GUCY2F: variants seen among roughly 807,000 people sequenced by gnomAD.
GUCY2F encodes retinal guanylyl cyclase 2.
GUCY2F carries 61 observed loss-of-function variants against 73.1 expected under a neutral mutation model. The ratio of observed to expected loss-of-function variants is 0.83; its 90% CI spans 0.68 to 1.03. The LOEUF (loss-of-function observed/expected upper bound fraction) is 1.03, where lower values mean the gene tolerates loss of function less well. GUCY2F is among the 50% of genes least tolerant of loss of function. GUCY2F has a pLI of 0.00. For missense variants in GUCY2F, 912 were observed against 854.3 expected (o/e 1.07, Z -0.84); for synonymous variants, 331 against 307.8 (o/e 1.08, Z -0.79).
At chrX:109,427,551 A>G (rs1453436816) in intron 8 of GUCY2F, among the ~76,000 whole-genome samples, 3 of 112,204 alleles carry the variant, frequency 2.7e-5, no homozygotes, top group East Asian at 2.8e-4. Flanking sequence ...TGGCTCACAA[A>G]GATCTGCTTT....
At chrX:109,382,041 T>C in intron 17 of GUCY2F, 77 bp downstream of exon 17, 1 of 534,191 alleles carries the variant, frequency 1.9e-6, no homozygotes. Context: ...CCAGGTAAAC[T>C]CTTTCAGCAG....
intron 12 of GUCY2F, among the ~76,000 whole-genome samples, chrX:109,394,410 G>C (rs2147254913): frequency 8.9e-6 from 1 of 112,135 alleles, no homozygotes; most frequent in South Asian, 3.8e-4. Context: ...ACTCAGCCGG[G>C]CTAATGGAGG....
intron 3 of GUCY2F, among the ~76,000 whole-genome samples, chrX:109,455,928 G>A (rs1373869938): frequency 5.4e-5 from 6 of 112,134 alleles, no homozygotes; most frequent in Admixed American, 9.4e-5. Context: ...CATCTACAAC[G>A]AGTCTTGTCA....
At chrX:109,433,075 T>C (rs1171257428) in intron 7 of GUCY2F, among the ~76,000 whole-genome samples, 1 of 112,170 alleles carries the variant, frequency 8.9e-6, no homozygotes, top group Non-Finnish European at 1.9e-5. Context: ...CACGCATAAA[T>C]TGGCATATGT....
chrX:109,374,247 T>C (rs7062434), intron 19 of GUCY2F, among the ~76,000 whole-genome samples: 8,299 of 111,697 alleles, frequency 0.074, 773 homozygotes, highest in African/African-American at 0.26. Flanking sequence ...TTGTGATTTG[T>C]ATAGGCCACC....
intron 10 of GUCY2F, 64 bp from the exon 11 acceptor site, chrX:109,398,762 C>T: frequency 9.8e-7 from 1 of 1,023,582 alleles, no homozygotes; most frequent in Non-Finnish European, 1.4e-6. Flanking sequence ...GCAATGCCCT[C>T]AAGGGCTCAG....
intron 14 of GUCY2F, among the ~76,000 whole-genome samples, chrX:109,390,605 C>A (rs992049813): frequency 2.7e-5 from 3 of 112,751 alleles, no homozygotes; most frequent in Non-Finnish European, 5.6e-5. Flanking sequence ...ATTGCTAAGA[C>A]CCCCAACAAT....
At chrX:109,446,540 C>A (rs60751315) in intron 6 of GUCY2F, among the ~76,000 whole-genome samples, 4,375 of 108,979 alleles carry the variant, frequency 0.04, 332 homozygotes, top group African/African-American at 0.14. Context: ...TTCCCTATTT[C>A]ATAAATGGTA....
At position 109,477,804 on chromosome X, in the gene GUCY2F, G is replaced by C. The variant is rs1156362749; in HGVS notation, c.-85-1783C>G. On this transcript the variant is annotated intron_variant, in intron 1 of 19. Coordinates refer to ENST00000218006, the MANE Select transcript of GUCY2F (RefSeq NM_001522.3). ...TGCCAGCCCTGTTGGTTATTATCTT[G>C]ACTCTCACTCCTAATTTTATGAGAA... Among the ~76,000 whole-genome samples the C allele has an allele frequency of 3.6e-5, 4 of 112,115 alleles. No homozygotes were observed. In the East Asian group the frequency reaches 1.1e-3, roughly 32 times the overall value.
At chrX:109,379,437 G>A (rs1250256359) in intron 17 of GUCY2F, among the ~76,000 whole-genome samples, 1 of 112,235 alleles carries the variant, frequency 8.9e-6, no homozygotes, top group African/African-American at 3.2e-5. Context: ...TAGTTTGATT[G>A]AATTATTCCA....
chrX:109,408,132 T>C (rs1931017902), intron 9 of GUCY2F, among the ~76,000 whole-genome samples: 1 of 112,522 alleles, frequency 8.9e-6, no homozygotes, highest in Non-Finnish European at 1.9e-5. Flanking sequence ...GGGGCAGAGC[T>C]GCCCAAGACC....
chrX:109,453,757 C>G lies in GUCY2F; in HGVS notation c.1135G>C (p.Val379Leu). The G allele has an allele frequency of 3.3e-6, 4 of 1,199,442 alleles. No individual in the cohort carries two copies. The highest frequency in any genetic ancestry group is 4.5e-6 in the Non-Finnish European group (4 of 884,195). The stretch of plus-strand genomic sequence containing the variant: ...AACTGCATGTTTCTGGAATGCTGAA[C>G]CAGGCTGGCAGCACCAGCCTGTCCA... ...ENGQAGAASL[V>L]QHSRNMQFHG... Residue 379 changes from valine to leucine, a missense_variant, in exon 4 of 20, where the codon GTT becomes CTT. Val to Leu is a conservative substitution (Grantham distance 32, BLOSUM62 1). Coordinates refer to ENST00000218006, the MANE Select transcript of GUCY2F (RefSeq NM_001522.3).
At chrX:109,442,465 T>C (rs1931896207) in intron 6 of GUCY2F, among the ~76,000 whole-genome samples, 1 of 111,785 alleles carries the variant, frequency 8.9e-6, no homozygotes, top group Admixed American at 9.5e-5. Context: ...CTTGGTATTA[T>C]ATTTTCTAGT....
intron 8 of GUCY2F, among the ~76,000 whole-genome samples, chrX:109,410,587 A>G (rs1931085596): frequency 8.9e-6 from 1 of 112,661 alleles, no homozygotes. Flanking sequence ...CTAGAGAAAA[A>G]GAGACAAACA....
At position 109,444,905 on chromosome X, in the gene GUCY2F, G is replaced by A. The variant is rs369475310; in HGVS notation, c.1569+3164C>T. ...CTGGCTTTTTTTTAAATAACTGTGA[G>A]GGTGAAACAAAGGTGGTTACCAGTT... On this transcript the variant is annotated intron_variant, in intron 6 of 19. Transcript: ENST00000218006. Among the ~76,000 whole-genome samples, 11 of 111,220 alleles carry A rather than the reference G, an allele frequency of 9.9e-5. No homozygotes were observed. The East Asian group carries it at 1.4e-3, about 14-fold the overall frequency.
At chrX:109,396,612 C>T (rs1930715383) in intron 11 of GUCY2F, among the ~76,000 whole-genome samples, 1 of 111,966 alleles carries the variant, frequency 8.9e-6, no homozygotes, top group Non-Finnish European at 1.9e-5. Flanking sequence ...ACATCAGGAA[C>T]CAAGCTTTGC....
At chrX:109,404,154 G>A (rs931819918) in intron 10 of GUCY2F, among the ~76,000 whole-genome samples, 174 bp downstream of exon 10, 2 of 112,527 alleles carry the variant, frequency 1.8e-5, no homozygotes, top group Non-Finnish European at 3.8e-5. Context: ...AAGCTTGGCT[G>A]GGCCGAGGTT....
chrX:109,405,965 T>C (rs564069412), intron 9 of GUCY2F, among the ~76,000 whole-genome samples: 7 of 111,499 alleles, frequency 6.3e-5, no homozygotes, highest in African/African-American at 2.0e-4. Context: ...TAATCACACC[T>C]ATCTTAAAGG....
chrX:109,387,980 C>T (rs1430081779), intron 15 of GUCY2F, among the ~76,000 whole-genome samples: 3 of 109,695 alleles, frequency 2.7e-5, no homozygotes, highest in African/African-American at 1.0e-4. Context: ...AGGGAGTGGA[C>T]AGTGAAGAAA....
Sources: allele counts gnomAD v4.1 joint callset (sites outside exome capture counted in the v4.1 genomes callset), GRCh38; gene constraint gnomAD v4.1.1; transcripts MANE v1.5; gene names NCBI Gene and HGNC (gene_info 2026-07-23, HGNC 2026-07-21).